Variants in PSD3 observed in about 807,000 individuals in gnomAD.
The protein encoded by PSD3 is PH and SEC7 domain-containing protein 3.
A neutral mutation model predicts 105.5 loss-of-function variants in PSD3; 49 were observed. The observed-to-expected ratio is 0.46, with a 90% CI of 0.37 to 0.59. The LOEUF is 0.59. PSD3 is among the 20% of genes least tolerant of loss of function. PSD3 has a pLI of 0.00. For missense variants in PSD3, 1,561 were observed against 1,263.8 expected (o/e 1.24, Z -3.57); for synonymous variants, 557 against 457.8 (o/e 1.22, Z -2.77).
chr8:18,718,134 C>G (rs1019459635), intron 9 of PSD3, among the ~76,000 whole-genome samples: 3 of 152,202 alleles, frequency 2.0e-5, no homozygotes, highest in Non-Finnish European at 4.4e-5. Context: ...ATCTTACCTC[C>G]TGGAGCAGCT....
At chr8:18,794,132 G>A (rs1267176610) in intron 8 of PSD3, among the ~76,000 whole-genome samples, 1 of 28,086 alleles carries the variant, frequency 3.6e-5, no homozygotes, top group Non-Finnish European at 1.1e-4. Flanking sequence ...GAGTTGAATG[G>A]ATTAAGGGCG....
intron 14 of PSD3, among the ~76,000 whole-genome samples, chr8:18,562,122 C>G (rs1029480542): frequency 1.3e-5 from 2 of 152,074 alleles, no homozygotes; most frequent in Non-Finnish European, 2.9e-5. Context: ...TTTATCCATC[C>G]GCGAACCTCA....
chr8:18,678,325 T>G (rs1800185261), intron 9 of PSD3, among the ~76,000 whole-genome samples: 1 of 152,194 alleles, frequency 6.6e-6, no homozygotes, highest in Non-Finnish European at 1.5e-5. Context: ...ACCTCTGGCA[T>G]TTTAAATTTT....
chr8:18,687,481 A>G (rs544655036), intron 9 of PSD3, among the ~76,000 whole-genome samples: 2 of 143,000 alleles, frequency 1.4e-5, no homozygotes, highest in East Asian at 4.1e-4. Flanking sequence ...AAGAAAATTT[A>G]GCAGTTTTTT....
chr8:18,938,243 T>C (rs1158785442), intron 1 of PSD3, among the ~76,000 whole-genome samples: 3 of 151,956 alleles, frequency 2.0e-5, no homozygotes, highest in African/African-American at 7.2e-5. Flanking sequence ...AACAGGGAAG[T>C]TTGGAGGAAT....
chr8:18,693,370 C>T (rs191259014), intron 9 of PSD3, among the ~76,000 whole-genome samples: 406 of 152,316 alleles, frequency 2.7e-3, no homozygotes, highest in African/African-American at 3.0e-3. Flanking sequence ...ATGAGCCAAA[C>T]GGACCTGTGT....
At chr8:18,919,805 T>A (rs1465956610) in intron 2 of PSD3, among the ~76,000 whole-genome samples, 1 of 128,624 alleles carries the variant, frequency 7.8e-6, no homozygotes, top group Non-Finnish European at 1.6e-5. Flanking sequence ...AACAATGAGA[T>A]CACATGGACA....
At chr8:19,013,281 T>G (rs983941275) in intron 1 of PSD3, among the ~76,000 whole-genome samples, 3 of 151,944 alleles carry the variant, frequency 2.0e-5, no homozygotes, top group African/African-American at 7.3e-5. Context: ...CATGTTGCCT[T>G]CTTTTGATAG....
intron 4 of PSD3, among the ~76,000 whole-genome samples, chr8:18,809,635 T>G (rs1811522338): frequency 6.6e-6 from 1 of 152,228 alleles, no homozygotes; most frequent in Non-Finnish European, 1.5e-5. Flanking sequence ...ATCTTATATT[T>G]TATCTGGCAA....
chr8:18,946,177 A>T (rs1040650825), intron 1 of PSD3, among the ~76,000 whole-genome samples: 8 of 152,180 alleles, frequency 5.3e-5, no homozygotes, highest in Admixed American at 4.6e-4. Context: ...TATAATTAAA[A>T]ATTTTTTATT....
chr8:18,882,346 C>T (rs1446034830), intron 2 of PSD3, among the ~76,000 whole-genome samples: 1 of 152,130 alleles, frequency 6.6e-6, no homozygotes, highest in African/African-American at 2.4e-5. Flanking sequence ...GAAAAGGATT[C>T]AGGAAACAGT....
At chr8:18,737,312 G>C (rs1048000430) in intron 9 of PSD3, among the ~76,000 whole-genome samples, 4 of 152,090 alleles carry the variant, frequency 2.6e-5, no homozygotes, top group Non-Finnish European at 5.9e-5. Context: ...GTACTATGCT[G>C]TGCTATTTGT....
chr8:18,604,254 T>C (rs1482433786), intron 11 of PSD3, among the ~76,000 whole-genome samples: 5 of 152,136 alleles, frequency 3.3e-5, no homozygotes, highest in African/African-American at 1.2e-4. Context: ...ATGAGGAACT[T>C]ACTGGGAACT....
chr8:18,926,664 G>T (rs1045945155), intron 2 of PSD3, among the ~76,000 whole-genome samples: 4 of 152,096 alleles, frequency 2.6e-5, no homozygotes, highest in Non-Finnish European at 5.9e-5. Flanking sequence ...CTGGAACCCT[G>T]TAAGTAAGAA....
chr8:18,552,271 C>A (rs973799549), intron 15 of PSD3, among the ~76,000 whole-genome samples: 2 of 152,196 alleles, frequency 1.3e-5, no homozygotes, highest in African/African-American at 4.8e-5. Context: ...CCTCTCCCTA[C>A]TCAGGTCCAG....
intron 12 of PSD3, among the ~76,000 whole-genome samples, chr8:18,576,485 C>A (rs1435507603): frequency 1.3e-5 from 2 of 152,076 alleles, no homozygotes; most frequent in East Asian, 3.9e-4. Flanking sequence ...GTTACTAATT[C>A]CCACTAATTC....
At chr8:18,603,350 T>G (rs570994616) in intron 11 of PSD3, among the ~76,000 whole-genome samples, 1 of 152,208 alleles carries the variant, frequency 6.6e-6, no homozygotes, top group South Asian at 2.1e-4. Flanking sequence ...GTCAGTTTAA[T>G]GTTTACTTTT....
At chr8:18,757,178 C>G (rs1483647312) in intron 9 of PSD3, among the ~76,000 whole-genome samples, 2 of 150,112 alleles carry the variant, frequency 1.3e-5, no homozygotes, top group African/African-American at 4.9e-5. Context: ...GGGATCTGGA[C>G]GCGGTGGCTC....
intron 11 of PSD3, among the ~76,000 whole-genome samples, chr8:18,608,209 G>T (rs28469595): frequency 2.0e-5 from 3 of 152,106 alleles, no homozygotes; most frequent in Non-Finnish European, 4.4e-5. Context: ...GACAAAGTGA[G>T]ATCCTGTCTC....
Sources: allele counts gnomAD v4.1 joint callset (sites outside exome capture counted in the v4.1 genomes callset), GRCh38; gene constraint gnomAD v4.1.1; transcripts MANE v1.5; gene names NCBI Gene and HGNC (gene_info 2026-07-23, HGNC 2026-07-21).